NPAS3: variants seen among roughly 807,000 people sequenced by gnomAD.
The protein encoded by NPAS3 is neuronal PAS domain-containing protein 3.
A neutral mutation model predicts 73.1 loss-of-function variants in NPAS3; 14 were observed. The observed-to-expected ratio is 0.19, with a 90% CI of 0.13 to 0.30. NPAS3 has a LOEUF of 0.30. NPAS3 is among the 10% of genes least tolerant of loss of function. The pLI is 1.00. For missense variants in NPAS3, 1,096 were observed against 1,250.0 expected (o/e 0.88, Z 1.86); for synonymous variants, 620 against 541.5 (o/e 1.14, Z -2.01).
chr14:33,186,363 A>C (rs1331601823), intron 2 of NPAS3, among the ~76,000 whole-genome samples: 2 of 152,224 alleles, frequency 1.3e-5, no homozygotes, highest in African/African-American at 4.8e-5. Flanking sequence ...TGGTCTGGTC[A>C]CCAACAGTGA....
chr14:33,357,401 C>A (rs1207334794), intron 3 of NPAS3, among the ~76,000 whole-genome samples: 1 of 152,188 alleles, frequency 6.6e-6, no homozygotes, highest in East Asian at 1.9e-4. Context: ...AATGTTTGCA[C>A]TGGTGTGAGG....
intron 4 of NPAS3, among the ~76,000 whole-genome samples, chr14:33,545,758 C>T (rs1257005352): frequency 4.6e-5 from 7 of 152,162 alleles, no homozygotes; most frequent in Non-Finnish European, 1.0e-4. Flanking sequence ...TGACCAGGGA[C>T]TTTCTGATAG....
At chr14:33,218,403 C>T (rs1458890729) in intron 3 of NPAS3, among the ~76,000 whole-genome samples, 1 of 152,144 alleles carries the variant, frequency 6.6e-6, no homozygotes, top group Non-Finnish European at 1.5e-5. Flanking sequence ...TTGCTTTACT[C>T]TAGTTCTTTA....
At chr14:33,167,444 C>T (rs555918317) in intron 2 of NPAS3, among the ~76,000 whole-genome samples, 8 of 152,130 alleles carry the variant, frequency 5.3e-5, no homozygotes, top group African/African-American at 1.4e-4. Context: ...CACACACGCA[C>T]GTATATTGTA....
In NPAS3 at chr14:33,774,334, C is replaced by T; in HGVS notation, c.853-3C>T. 2 of 1,612,176 alleles carry T rather than the reference C, an allele frequency of 1.2e-6. No individual in the cohort carries two copies. The highest frequency in any genetic ancestry group is 1.7e-6 in the Non-Finnish European group (2 of 1,178,474). On this transcript the variant is annotated splice_polypyrimidine_tract_variant and splice_region_variant and intron_variant, in intron 7 of 11. Transcript: ENST00000356141. Reference sequence around the variant, plus strand: ...GTGTCCTGTACTTAATGTTGTTTTACAGGTGATTCACATAACAGGCCGGCT... The same window carrying T: ...GTGTCCTGTACTTAATGTTGTTTTATAGGTGATTCACATAACAGGCCGGCT...
intron 5 of NPAS3, among the ~76,000 whole-genome samples, chr14:33,659,916 G>C (rs948882879): frequency 1.3e-5 from 2 of 152,080 alleles, no homozygotes; most frequent in Non-Finnish European, 2.9e-5. Context: ...GAACCAAATG[G>C]ACTTCGCTAA....
At chr14:33,070,420 G>A (rs1240202056) in intron 2 of NPAS3, among the ~76,000 whole-genome samples, 1 of 152,130 alleles carries the variant, frequency 6.6e-6, no homozygotes, top group Non-Finnish European at 1.5e-5. Context: ...AGTTTGAAGA[G>A]CAGCTTAATT....
At chr14:33,248,609 TA>T (rs143532083) in intron 3 of NPAS3, among the ~76,000 whole-genome samples, 3,329 of 152,268 alleles carry the variant, frequency 0.022, 89 homozygotes, top group East Asian at 0.15. Flanking sequence ...GATTGGAGAT[TA>T]AAAATCTCTG....
At chr14:33,448,708 CA>C (rs2049638369) in intron 4 of NPAS3, among the ~76,000 whole-genome samples, 1 of 152,164 alleles carries the variant, frequency 6.6e-6, no homozygotes. Context: ...TCTCTGCCAT[CA>C]TCTGGATCCA....
At chr14:33,798,648 C>T (rs551446628) in intron 11 of NPAS3, among the ~76,000 whole-genome samples, 4 of 152,294 alleles carry the variant, frequency 2.6e-5, no homozygotes, top group Admixed American at 1.3e-4. Context: ...GAGGGCAGAG[C>T]ACTCAAGGCA....
intron 6 of NPAS3, among the ~76,000 whole-genome samples, chr14:33,690,914 C>G (rs939676437): frequency 6.8e-6 from 1 of 146,320 alleles, no homozygotes; most frequent in Non-Finnish European, 1.5e-5. Flanking sequence ...ATGGTGCTTT[C>G]TTTCCTAGCT....
At chr14:33,784,035 A>G (rs1042683447) in intron 9 of NPAS3, among the ~76,000 whole-genome samples, 7 of 152,234 alleles carry the variant, frequency 4.6e-5, no homozygotes, top group Non-Finnish European at 7.3e-5. Flanking sequence ...TTCCAATGAA[A>G]CAAGAATAGG....
At chr14:32,953,431 G>T (rs112564977) in intron 1 of NPAS3, among the ~76,000 whole-genome samples, 1 of 152,160 alleles carries the variant, frequency 6.6e-6, no homozygotes, top group South Asian at 2.1e-4. Flanking sequence ...AGTAGGCCCT[G>T]ACTGAGTGAG....
intron 1 of NPAS3, among the ~76,000 whole-genome samples, chr14:32,946,348 G>GCGCGCACACACACACA (rs1233572564): frequency 1.4e-5 from 2 of 139,314 alleles, no homozygotes; most frequent in African/African-American, 5.5e-5. Context: ...ACACACACGC[G>GCGCGCACACACACACA]CACACACACA....
At chr14:33,214,260 C>T (rs535591585) in intron 2 of NPAS3, 1 of 152,286 alleles carries the variant, frequency 6.6e-6, no homozygotes, top group African/African-American at 2.4e-5. Context: ...CTGTCAGATG[C>T]TCACACACAA....
chr14:33,486,070 G>T (rs1437568934), intron 4 of NPAS3, among the ~76,000 whole-genome samples: 2 of 152,014 alleles, frequency 1.3e-5, no homozygotes, highest in Non-Finnish European at 2.9e-5. Flanking sequence ...AGAATAACCA[G>T]GCCTCACTGT....
chr14:33,664,884 T>C (rs142747298), intron 5 of NPAS3, among the ~76,000 whole-genome samples: 167 of 152,304 alleles, frequency 1.1e-3, no homozygotes, highest in African/African-American at 3.8e-3. Context: ...GATGTGGAGA[T>C]AGGAACGCTT....
chr14:33,412,351 C>T (rs2047965970), intron 4 of NPAS3, among the ~76,000 whole-genome samples: 1 of 152,138 alleles, frequency 6.6e-6, no homozygotes, highest in African/African-American at 2.4e-5. Context: ...AACTCTGGAG[C>T]TCAAGTTACC....
chr14:33,219,041 G>T (rs975892450), intron 3 of NPAS3, among the ~76,000 whole-genome samples: 3 of 152,134 alleles, frequency 2.0e-5, no homozygotes, highest in Admixed American at 6.5e-5. Context: ...AAATATCTGT[G>T]TTGTTATAAT....
Sources: allele counts gnomAD v4.1 joint callset (sites outside exome capture counted in the v4.1 genomes callset), GRCh38; gene constraint gnomAD v4.1.1; transcripts MANE v1.5; gene names NCBI Gene and HGNC (gene_info 2026-07-23, HGNC 2026-07-21).